Variants in CELF2 observed in about 807,000 individuals in gnomAD.
CELF2 encodes CUG triplet repeat RNA-binding protein 2.
Under a neutral mutation model 62.6 loss-of-function variants are expected in CELF2, and 8 were observed. The observed-to-expected ratio is 0.13, with a 90% CI of 0.07 to 0.23. The LOEUF (loss-of-function observed/expected upper bound fraction) is 0.23, where lower values mean the gene tolerates loss of function less well. Among genes scored for constraint, CELF2 ranks in the 10% least tolerant of loss-of-function variants. CELF2 has a pLI of 1.00. For missense variants in CELF2, 333 were observed against 671.0 expected (o/e 0.50, Z 5.56); for synonymous variants, 258 against 250.0 (o/e 1.03, Z -0.30).
chr10:11,325,627 A>G (rs1383675777), intron 11 of CELF2, among the ~76,000 whole-genome samples: 1 of 152,252 alleles, frequency 6.6e-6, no homozygotes, highest in East Asian at 1.9e-4. Flanking sequence ...AGTGGAAAGG[A>G]AGCCATTCGT....
At chr10:10,721,278 T>C in the CELF2 span, among the ~76,000 whole-genome samples, 1 of 152,192 alleles carries the variant, frequency 6.6e-6, no homozygotes, top group African/African-American at 2.4e-5. Flanking sequence ...AGTAGCCAAA[T>C]AGATCTAGTT....
rs1259822038 is a variant in CELF2 at position 11,191,971 on chromosome 10, G to A, written c.272-25454G>A. Among the ~76,000 whole-genome samples the A allele has an allele frequency of 6.6e-6, 1 of 152,178 alleles. No individual in the cohort carries two copies. Among genetic ancestry groups the A allele is most frequent in the East Asian group, 1.9e-4 (1 of 5,190 alleles). On this transcript the variant is annotated intron_variant, in intron 2 of 12. Transcript: ENST00000633077. The surrounding 1 kb of genome is among the most constrained non-coding windows in gnomAD (Gnocchi z 4.1). ...CAGGGAATTTTCCTGACAAGTCAGT[G>A]TCATTTTATGGGTTATTGCTGTTTT...
rs1215815301 is a variant in CELF2, at chr10:11,224,529, G to A, written c.354+7022G>A. Among the ~76,000 whole-genome samples the A allele has an allele frequency of 2.6e-5, 4 of 152,132 alleles. No individual in the cohort carries two copies. The highest frequency in any genetic ancestry group is 7.2e-5 in the African/African-American group (3 of 41,422). Reference sequence around the variant, plus strand: ...TTCAAAAGAAGATTGTGGGGGAGGCGGGGGATCCATGAATTTGATTAAAGG... The same window carrying A: ...TTCAAAAGAAGATTGTGGGGGAGGCAGGGGATCCATGAATTTGATTAAAGG... On this transcript the variant is annotated intron_variant, in intron 3 of 12. Coordinates refer to ENST00000633077, the MANE Select transcript of CELF2 (RefSeq NM_001326342.2). This position sits in a 1 kb window ranked among gnomAD's most constrained non-coding sequence, Gnocchi z 4.5.
the CELF2 span, among the ~76,000 whole-genome samples, chr10:10,607,726 C>A: frequency 6.6e-6 from 1 of 152,160 alleles, no homozygotes; most frequent in African/African-American, 2.4e-5. Context: ...TGCCCAAGAT[C>A]ACTAAAAATG....
chr10:10,490,346 G>A, the CELF2 span, among the ~76,000 whole-genome samples: 13 of 152,126 alleles, frequency 8.5e-5, no homozygotes, highest in African/African-American at 3.1e-4. Context: ...CATGGCATCT[G>A]CCAAGTCTGC....
intron 2 of CELF2, among the ~76,000 whole-genome samples, chr10:10,926,357 G>A (rs925908991): frequency 2.0e-5 from 3 of 152,254 alleles, no homozygotes; most frequent in East Asian, 3.9e-4. Context: ...AGGACCCAAT[G>A]TTTGTCTTCT....
chr10:10,975,830 G>C (rs2051273023), intron 2 of CELF2, among the ~76,000 whole-genome samples: 1 of 152,206 alleles, frequency 6.6e-6, no homozygotes, highest in Non-Finnish European at 1.5e-5. Context: ...GCAATCTTTT[G>C]TTGAACAGTG....
At chr10:10,578,456 T>A in the CELF2 span, among the ~76,000 whole-genome samples, 2 of 152,176 alleles carry the variant, frequency 1.3e-5, no homozygotes, top group Admixed American at 6.5e-5. Context: ...TCCTGAATGG[T>A]GTTGCTTAGG....
chr10:11,296,533 T>G lies in CELF2; in HGVS notation c.976+7981T>G, dbSNP rs1310877373. ...TATTAGGTGGGAAAATCAGCAAAGCTTTATTCTAGTCACAACTTCCCAGAA... is the reference window on the plus strand; with the variant it reads ...TATTAGGTGGGAAAATCAGCAAAGCGTTATTCTAGTCACAACTTCCCAGAA... On this transcript the variant is annotated intron_variant, in intron 9 of 12. Coordinates refer to ENST00000633077, the MANE Select transcript of CELF2 (RefSeq NM_001326342.2). The surrounding 1 kb of genome is among the most constrained non-coding windows in gnomAD (Gnocchi z 5.0). 6.6e-6 allele frequency among the ~76,000 whole-genome samples: 1 copy of G among 152,184 alleles called. No homozygotes were observed. The highest frequency in any genetic ancestry group is 6.5e-5 in the Admixed American group (1 of 15,282).
At chr10:10,869,533 C>G (rs2060600775) in intron 1 of CELF2, among the ~76,000 whole-genome samples, 1 of 151,502 alleles carries the variant, frequency 6.6e-6, no homozygotes, top group Non-Finnish European at 1.5e-5. Context: ...CCACTGCACT[C>G]CAGCCTGGGT....
chr10:10,585,927 C>T, the CELF2 span, among the ~76,000 whole-genome samples: 1 of 152,150 alleles, frequency 6.6e-6, no homozygotes, highest in African/African-American at 2.4e-5. Context: ...CTGTTGTTTG[C>T]TTGTATGTGT....
intron 2 of CELF2, among the ~76,000 whole-genome samples, chr10:11,186,341 T>C (rs2074925381): frequency 1.3e-5 from 2 of 151,528 alleles, no homozygotes; most frequent in African/African-American, 2.4e-5. Context: ...ACTTTAATTG[T>C]TATTGCTTCC....
At chr10:10,807,403 C>G (rs1415042768) in intron 1 of CELF2, among the ~76,000 whole-genome samples, 1 of 152,212 alleles carries the variant, frequency 6.6e-6, no homozygotes, top group Non-Finnish European at 1.5e-5. Context: ...CTGGTCATAT[C>G]TGATTTTATG....
intron 2 of CELF2, among the ~76,000 whole-genome samples, chr10:10,939,783 T>C (rs1275193372): frequency 6.6e-6 from 1 of 151,588 alleles, no homozygotes; most frequent in Non-Finnish European, 1.5e-5. Context: ...TGAAACCCCA[T>C]CTCTACTAAA....
intron 1 of CELF2, among the ~76,000 whole-genome samples, chr10:11,148,558 C>T (rs1217172455): frequency 6.6e-6 from 1 of 152,158 alleles, no homozygotes; most frequent in Non-Finnish European, 1.5e-5. Flanking sequence ...GCTGGCAAGG[C>T]GATCCACCTT....
chr10:11,252,071 A>G (rs2077323296), intron 4 of CELF2, among the ~76,000 whole-genome samples: 1 of 152,226 alleles, frequency 6.6e-6, no homozygotes, highest in Admixed American at 6.5e-5. Flanking sequence ...CTGCTTTTAA[A>G]TGGCTTTTCT....
the CELF2 span, among the ~76,000 whole-genome samples, chr10:10,585,813 T>C: frequency 6.6e-6 from 1 of 152,180 alleles, no homozygotes; most frequent in South Asian, 2.1e-4. Flanking sequence ...TAAAAATAGT[T>C]TTCAGTTGCT....
intron 8 of CELF2, among the ~76,000 whole-genome samples, chr10:11,281,501 T>TGTA (rs1378345807): frequency 1.3e-5 from 2 of 152,120 alleles, no homozygotes; most frequent in Non-Finnish European, 2.9e-5. Context: ...GGCTCACACT[T>TGTA]GTAGTCCCAG....
the CELF2 span, chr10:10,784,785 A>T: frequency 6.6e-6 from 1 of 152,126 alleles, no homozygotes; most frequent in Admixed American, 6.5e-5. Flanking sequence ...GGGCCACAGG[A>T]TTTCTGTTTT....
Sources: gnomAD v4.1 joint callset for allele counts (sites outside exome capture counted in the v4.1 genomes callset) on GRCh38, gnomAD v4.1.1 for gene constraint, Gnocchi (gnomAD v3.1) non-coding constraint, MANE v1.5 for transcripts, NCBI Gene and HGNC (gene_info 2026-07-23, HGNC 2026-07-21) for gene names.